The following CRCP variants were observed in gnomAD, a reference collection of about 807,000 sequenced individuals.
The protein encoded by CRCP is DNA-directed RNA polymerase III subunit RPC9.
CRCP carries 18 observed loss-of-function variants against 18.5 expected under a neutral mutation model. The observed-to-expected ratio is 0.97, with a 90% CI of 0.67 to 1.44. The LOEUF (loss-of-function observed/expected upper bound fraction) is 1.44. Ranked by LOEUF, CRCP falls within the 40% of genes most tolerant of loss-of-function variation. The pLI, the probability that CRCP is intolerant of heterozygous loss-of-function variation, is 0.00. For missense variants in CRCP, 130 were observed against 176.4 expected (o/e 0.74, Z 1.49); for synonymous variants, 53 against 62.9 (o/e 0.84, Z 0.75).
chr7:66,134,537 G>T, intron 4 of CRCP, 163 bp downstream of exon 4: 1 of 422,554 alleles, frequency 2.4e-6, no homozygotes, highest in Admixed American at 5.5e-5. Flanking sequence ...CTAGAGTAAG[G>T]AACAAATCTT....
At position 66,152,253 on chromosome 7, in the gene CRCP, G is replaced by A. The variant is rs1217869820; in HGVS notation, c.343G>A (p.Ala115Thr). 8 of 1,613,996 alleles carry A rather than the reference G, an allele frequency of 5.0e-6. No homozygotes were observed. The highest frequency in any genetic ancestry group is 1.7e-6 in the Non-Finnish European group (2 of 1,180,020). ...EERLTEEQIE[A>T]LLHTVTSILP... Reference sequence around the variant, plus strand: ...GCGGCTCACGGAGGAGCAGATTGAAGCTCTTCTCCACACCGTCACCAGCAT... The same window carrying A: ...GCGGCTCACGGAGGAGCAGATTGAAACTCTTCTCCACACCGTCACCAGCAT... The change falls in exon 6 of 6, where the codon GCT (alanine) becomes ACT (threonine). Residue 115 changes from alanine to threonine, a missense_variant. Coordinates refer to ENST00000395326, the MANE Select transcript of CRCP (RefSeq NM_014478.5).
At chr7:66,117,939 T>C (rs986300262) in intron 1 of CRCP, among the ~76,000 whole-genome samples, 1 of 152,130 alleles carries the variant, frequency 6.6e-6, no homozygotes, top group South Asian at 2.1e-4. Flanking sequence ...CTGGTATACT[T>C]TCCTCCTCGC....
In CRCP at chr7:66,152,596, C is replaced by G. The variant is rs890364364; in HGVS notation, c.*239C>G. On this transcript the variant is annotated 3_prime_UTR_variant, in exon 6 of 6. Transcript: ENST00000395326. ...GAGCTGAAGGTGGGGACAGTGACCG[C>G]GGACCCCTCTGTGCTTGAAAGATTT... 1 of 502,306 alleles carries G rather than the reference C, an allele frequency of 2.0e-6. No homozygotes were observed. Among genetic ancestry groups the G allele is most frequent in the East Asian group, 3.7e-5 (1 of 26,728 alleles). 31.1% of individuals were successfully genotyped at this position (502,306 alleles called of 1,614,324 possible). A position where few individuals can be genotyped will look rare whatever the true frequency, so the allele number is the denominator to read the frequency against.
intron 1 of CRCP, among the ~76,000 whole-genome samples, chr7:66,121,807 C>G (rs902490479): frequency 6.6e-6 from 1 of 152,086 alleles, no homozygotes; most frequent in Non-Finnish European, 1.5e-5. Context: ...GTCAGGATTT[C>G]TTTCCTTTTA....
intron 4 of CRCP, among the ~76,000 whole-genome samples, chr7:66,143,327 C>G (rs1788194118): frequency 6.6e-6 from 1 of 152,210 alleles, no homozygotes. Context: ...CTTGATTGCT[C>G]TCCTATATTG....
intron 5 of CRCP, among the ~76,000 whole-genome samples, chr7:66,148,951 A>C (rs1788377627): frequency 6.6e-6 from 1 of 152,228 alleles, no homozygotes; most frequent in African/African-American, 2.4e-5. Context: ...AATAGTATAC[A>C]TTGTTGCTAT....
chr7:66,133,463 G>A (rs555951422), intron 3 of CRCP, among the ~76,000 whole-genome samples: 8 of 149,946 alleles, frequency 5.3e-5, no homozygotes, highest in African/African-American at 1.7e-4. Context: ...AGCCGAGATC[G>A]TGCCGCTGCA....
chr7:66,132,770 C>T (rs887311977), intron 3 of CRCP, among the ~76,000 whole-genome samples: 14 of 151,972 alleles, frequency 9.2e-5, no homozygotes, highest in Admixed American at 5.3e-4. Context: ...ATTAGCCGGG[C>T]GTAGTGGCGG....
At chr7:66,135,334 A>G (rs1486192637) in intron 4 of CRCP, among the ~76,000 whole-genome samples, 1 of 152,228 alleles carries the variant, frequency 6.6e-6, no homozygotes, top group Non-Finnish European at 1.5e-5. Flanking sequence ...GAGAACATTA[A>G]ATGTCACGAG....
At chr7:66,119,909 C>G (rs1273541965) in intron 1 of CRCP, among the ~76,000 whole-genome samples, 4 of 151,940 alleles carry the variant, frequency 2.6e-5, no homozygotes, top group Admixed American at 6.6e-5. Flanking sequence ...TTTTTTGCAG[C>G]CCGGTGCTCA....
intron 5 of CRCP, chr7:66,150,603 A>T (rs1247813106): frequency 6.6e-6 from 1 of 152,004 alleles, no homozygotes; most frequent in Non-Finnish European, 1.5e-5. Context: ...GGCGTGTCAC[A>T]TGACTTCCTG....
chr7:66,132,632 T>C (rs1300571682), intron 3 of CRCP, among the ~76,000 whole-genome samples: 1 of 152,132 alleles, frequency 6.6e-6, no homozygotes, highest in African/African-American at 2.4e-5. Flanking sequence ...TAGAAAGGAT[T>C]TGGCTGGGCG....
intron 2 of CRCP, among the ~76,000 whole-genome samples, chr7:66,129,903 G>A (rs966507216): frequency 4.6e-5 from 7 of 152,004 alleles, no homozygotes; most frequent in African/African-American, 1.7e-4. Context: ...ACAGGAATGA[G>A]ACTAAGATTC....
chr7:66,129,922 C>T (rs182800454), intron 2 of CRCP, among the ~76,000 whole-genome samples: 62 of 152,056 alleles, frequency 4.1e-4, no homozygotes, highest in African/African-American at 1.5e-3. Context: ...TCCCCCCTGC[C>T]CCCAGCACTA....
At chr7:66,124,683 C>T (rs1333687076) in intron 1 of CRCP, among the ~76,000 whole-genome samples, 1 of 152,054 alleles carries the variant, frequency 6.6e-6, no homozygotes, top group Non-Finnish European at 1.5e-5. Flanking sequence ...GCCTGGCATT[C>T]CCTTATTTCT....
intron 5 of CRCP, among the ~76,000 whole-genome samples, chr7:66,147,155 A>G (rs1200797090): frequency 1.3e-5 from 2 of 152,154 alleles, no homozygotes; most frequent in South Asian, 2.1e-4. Flanking sequence ...CAGCCTGGCT[A>G]AAGTGGTAAA....
At chr7:66,135,296 T>C (rs1195169520) in intron 4 of CRCP, among the ~76,000 whole-genome samples, 1 of 152,236 alleles carries the variant, frequency 6.6e-6, no homozygotes, top group Non-Finnish European at 1.5e-5. Flanking sequence ...TATTCTAGGC[T>C]AACCAAAGTA....
At chr7:66,133,227 C>T (rs750954621) in intron 3 of CRCP, among the ~76,000 whole-genome samples, 29 of 151,906 alleles carry the variant, frequency 1.9e-4, no homozygotes, top group Admixed American at 2.6e-4. Flanking sequence ...CATTCTTGGC[C>T]GGGTGCGGTG....
intron 1 of CRCP, among the ~76,000 whole-genome samples, chr7:66,120,932 C>T (rs1206916389): frequency 2.6e-5 from 4 of 151,936 alleles, no homozygotes; most frequent in Admixed American, 6.6e-5. Context: ...CTCTATCAGA[C>T]ACTCCCAGAA....
Sources: allele counts gnomAD v4.1 joint callset (sites outside exome capture counted in the v4.1 genomes callset), GRCh38; gene constraint gnomAD v4.1.1; transcripts MANE v1.5; gene names NCBI Gene and HGNC (gene_info 2026-07-23, HGNC 2026-07-21).